NEK1: variants seen among roughly 807,000 people sequenced by gnomAD.
NEK1 encodes NIMA related kinase 1, also known as serine/threonine-protein kinase Nek1.
NEK1 carries 137 observed loss-of-function variants against 182.1 expected under a neutral mutation model. The ratio of observed to expected loss-of-function variants is 0.75; its 90% CI spans 0.65 to 0.87. The LOEUF (loss-of-function observed/expected upper bound fraction) is 0.87, where lower values mean the gene tolerates loss of function less well. NEK1 is among the 40% of genes least tolerant of loss of function. The pLI is 0.00. For missense variants in NEK1, 1,391 were observed against 1,494.4 expected (o/e 0.93, Z 1.14); for synonymous variants, 513 against 492.2 (o/e 1.04, Z -0.56).
intron 23 of NEK1, among the ~76,000 whole-genome samples, chr4:169,487,461 G>A (rs1749245656): frequency 6.6e-6 from 1 of 152,130 alleles, no homozygotes; most frequent in African/African-American, 2.4e-5. Flanking sequence ...ACAGCTTCCA[G>A]CTCCATCAAT....
chr4:169,580,781 C>A, intron 11 of NEK1, 61 bp downstream of exon 11: 1 of 964,546 alleles, frequency 1.0e-6, no homozygotes, highest in South Asian at 1.5e-5. Context: ...CATATATTTC[C>A]AGTTTAATTA....
intron 12 of NEK1, among the ~76,000 whole-genome samples, chr4:169,567,101 A>C (rs1236042810): frequency 6.6e-6 from 1 of 152,088 alleles, no homozygotes; most frequent in Non-Finnish European, 1.5e-5. Flanking sequence ...AAAAAAGAAA[A>C]AAAAAATCAA....
intron 6 of NEK1, among the ~76,000 whole-genome samples, chr4:169,590,337 C>CAGAG (rs1182725138): frequency 6.6e-6 from 1 of 151,872 alleles, no homozygotes; most frequent in African/African-American, 2.4e-5. Context: ...GACAGACAGA[C>CAGAG]AGACAGACAG....
chr4:169,537,308 T>C (rs1041130956), intron 19 of NEK1, among the ~76,000 whole-genome samples: 2 of 152,202 alleles, frequency 1.3e-5, no homozygotes, highest in Non-Finnish European at 2.9e-5. Context: ...CATAACTTAA[T>C]TTAGTTAAAT....
intron 16 of NEK1, among the ~76,000 whole-genome samples, chr4:169,558,125 A>T (rs960558571): frequency 4.6e-5 from 7 of 152,124 alleles, no homozygotes; most frequent in Admixed American, 2.6e-4. Context: ...TTTCCTATGA[A>T]ACTGGTTACT....
At chr4:169,428,497 C>T (rs200551164) in intron 29 of NEK1, among the ~76,000 whole-genome samples, 1 of 151,342 alleles carries the variant, frequency 6.6e-6, no homozygotes, top group East Asian at 1.9e-4. Context: ...CTATATGATT[C>T]TGTAAGAAAA....
At chr4:169,524,234 C>G (rs1206531097) in intron 19 of NEK1, among the ~76,000 whole-genome samples, 1 of 151,990 alleles carries the variant, frequency 6.6e-6, no homozygotes, top group Non-Finnish European at 1.5e-5. Flanking sequence ...ATGGGCCGGG[C>G]ACAGTGGCTC....
At chr4:169,569,578 C>CTT (rs1384996376) in intron 12 of NEK1, among the ~76,000 whole-genome samples, 4 of 151,988 alleles carry the variant, frequency 2.6e-5, no homozygotes, top group African/African-American at 9.7e-5. Flanking sequence ...TCTAGGCTCA[C>CTT]TGCAACCTCC....
chr4:169,475,749 T>C (rs148733871), intron 26 of NEK1, among the ~76,000 whole-genome samples: 3 of 152,144 alleles, frequency 2.0e-5, no homozygotes, highest in East Asian at 1.9e-4. Flanking sequence ...AGTAGAGACA[T>C]GGCAGATAGA....
intron 27 of NEK1, among the ~76,000 whole-genome samples, chr4:169,452,601 CA>C (rs962043537): frequency 1.4e-4 from 22 of 152,118 alleles, no homozygotes; most frequent in African/African-American, 5.3e-4. Flanking sequence ...AGGCCTTCAA[CA>C]AAATTCAACA....
intron 5 of NEK1, 23 bp downstream of exon 5, chr4:169,599,071 AAGAGTC>A: frequency 6.5e-7 from 1 of 1,537,298 alleles, no homozygotes; most frequent in South Asian, 1.1e-5. Context: ...ATAATAGAGT[AAGAGTC>A]AATTTCCTAA....
chr4:169,491,277 A>G (rs1249146945), intron 23 of NEK1, among the ~76,000 whole-genome samples: 1 of 152,100 alleles, frequency 6.6e-6, no homozygotes, highest in Non-Finnish European at 1.5e-5. Flanking sequence ...ACTAACAAAC[A>G]GGTTCAATGC....
chr4:169,411,328 C>CTTTTTTTTTTTTTTT, intron 31 of NEK1, among the ~76,000 whole-genome samples: 1 of 145,712 alleles, frequency 6.9e-6, no homozygotes. Context: ...GACTGACTGA[C>CTTTTTTTTTTTTTTT]TTATATTTTA....
At chr4:169,611,367 A>C (rs1772298787) in intron 2 of NEK1, among the ~76,000 whole-genome samples, 1 of 152,224 alleles carries the variant, frequency 6.6e-6, no homozygotes, top group African/African-American at 2.4e-5. Flanking sequence ...AAAACCAGAC[A>C]AATGTAAACT....
chr4:169,575,565 G>A (rs1216271244), intron 12 of NEK1, among the ~76,000 whole-genome samples: 1 of 152,188 alleles, frequency 6.6e-6, no homozygotes, highest in Non-Finnish European at 1.5e-5. Flanking sequence ...TGGTGCCTCA[G>A]CCAGCATCCC....
intron 2 of NEK1, among the ~76,000 whole-genome samples, chr4:169,607,321 T>G (rs12498978): frequency 6.6e-6 from 1 of 151,976 alleles, no homozygotes; most frequent in Non-Finnish European, 1.5e-5. Context: ...GACTCACAAA[T>G]GACTCAAACA....
chr4:169,502,041 C>A (rs72974708), intron 23 of NEK1, among the ~76,000 whole-genome samples: 14,731 of 151,806 alleles, frequency 0.097, 797 homozygotes, highest in East Asian at 0.17. Flanking sequence ...TAAACACAGT[C>A]AGAAATAACA....
At chr4:169,492,854 C>G (rs992754261) in intron 23 of NEK1, among the ~76,000 whole-genome samples, 1 of 152,158 alleles carries the variant, frequency 6.6e-6, no homozygotes, top group African/African-American at 2.4e-5. Context: ...GTCAAAGCCA[C>G]CAATGGGAAA....
intron 27 of NEK1, among the ~76,000 whole-genome samples, chr4:169,449,830 G>C (rs545646013): frequency 2.6e-5 from 4 of 152,326 alleles, no homozygotes; most frequent in Admixed American, 2.0e-4. Flanking sequence ...GAATGACTTT[G>C]ACAAGTTGAC....
Sources: allele counts gnomAD v4.1 joint callset (sites outside exome capture counted in the v4.1 genomes callset), GRCh38; gene constraint gnomAD v4.1.1; transcripts MANE v1.5; gene names NCBI Gene and HGNC (gene_info 2026-07-23, HGNC 2026-07-21).